Variants in THSD4 observed in about 807,000 individuals in gnomAD.
THSD4 encodes the protein thrombospondin type-1 domain-containing protein 4.
A neutral mutation model predicts 119.0 loss-of-function variants in THSD4; 69 were observed. The ratio of observed to expected loss-of-function variants is 0.58; its 90% CI spans 0.48 to 0.71. The LOEUF is 0.71. Ranked by LOEUF, THSD4 falls within the 30% of genes least tolerant of loss-of-function variation. The pLI is 0.00. For missense variants in THSD4, 1,393 were observed against 1,391.1 expected, an observed-to-expected ratio of 1.00 and a Z score of -0.02; for synonymous variants, 524 against 540.4, an observed-to-expected ratio of 0.97 and a Z score of 0.42.
chr15:71,191,504 C>T (rs540310154), intron 3 of THSD4, among the ~76,000 whole-genome samples: 2 of 152,206 alleles, frequency 1.3e-5, no homozygotes, highest in Non-Finnish European at 2.9e-5. Context: ...AGGCATAGTG[C>T]TAAGTACATC....
At chr15:71,433,641 G>A (rs2046969887) in intron 7 of THSD4, among the ~76,000 whole-genome samples, 1 of 152,072 alleles carries the variant, frequency 6.6e-6, no homozygotes, top group African/African-American at 2.4e-5. Context: ...GAAGGGCAGG[G>A]CCTGTCTGTT....
At chr15:71,377,177 G>C (rs1190231992) in intron 6 of THSD4, among the ~76,000 whole-genome samples, 1 of 152,224 alleles carries the variant, frequency 6.6e-6, no homozygotes. Context: ...GAGTCAAGGT[G>C]ACTGGAATAA....
chr15:71,226,369 C>T (rs537959511), intron 4 of THSD4, among the ~76,000 whole-genome samples: 27 of 152,170 alleles, frequency 1.8e-4, no homozygotes, highest in Non-Finnish European at 2.4e-4. Context: ...TACAGGAGTA[C>T]GTGTGTGTGT....
chr15:71,627,770 G>T (rs138234329), intron 7 of THSD4, among the ~76,000 whole-genome samples: 50 of 152,270 alleles, frequency 3.3e-4, no homozygotes, highest in African/African-American at 1.1e-3. Flanking sequence ...ATTTTTTCCA[G>T]TTGAGCTGTG....
intron 7 of THSD4, among the ~76,000 whole-genome samples, chr15:71,587,963 C>G (rs1234107746): frequency 6.6e-6 from 1 of 152,004 alleles, no homozygotes; most frequent in East Asian, 1.9e-4. Context: ...ACCTCTAAAA[C>G]CAGTACTCTC....
intron 7 of THSD4, among the ~76,000 whole-genome samples, chr15:71,514,880 A>G (rs2048335366): frequency 6.6e-6 from 1 of 152,188 alleles, no homozygotes; most frequent in Admixed American, 6.5e-5. Flanking sequence ...GATACATAAC[A>G]TCCTATGGGT....
chr15:71,339,797 C>T (rs2045539840), intron 6 of THSD4, among the ~76,000 whole-genome samples: 1 of 151,710 alleles, frequency 6.6e-6, no homozygotes, highest in Non-Finnish European at 1.5e-5. Context: ...TGGAGTCTTA[C>T]TCTGTCACCC....
intron 8 of THSD4, among the ~76,000 whole-genome samples, chr15:71,664,926 G>C (rs1054183146): frequency 8.6e-5 from 13 of 152,012 alleles, no homozygotes; most frequent in African/African-American, 3.1e-4. Context: ...CCATGTCTTT[G>C]CTATAATGAA....
chr15:71,257,008 T>A (rs1469112773), intron 6 of THSD4, among the ~76,000 whole-genome samples: 1 of 152,034 alleles, frequency 6.6e-6, no homozygotes, highest in Admixed American at 6.6e-5. Flanking sequence ...AAGGAATCAG[T>A]TGGAGAAGAG....
At chr15:71,347,689 T>C (rs1446049834) in intron 6 of THSD4, among the ~76,000 whole-genome samples, 1 of 152,194 alleles carries the variant, frequency 6.6e-6, no homozygotes, top group Non-Finnish European at 1.5e-5. Context: ...AAATTTAAAA[T>C]TCAGTTTCTC....
chr15:71,752,235 G>A (rs1282038827), intron 14 of THSD4, among the ~76,000 whole-genome samples: 1 of 152,134 alleles, frequency 6.6e-6, no homozygotes, highest in African/African-American at 2.4e-5. Flanking sequence ...CATTTATTTA[G>A]AACAGTAAAA....
intron 4 of THSD4, among the ~76,000 whole-genome samples, chr15:71,242,205 T>C (rs1336126769): frequency 1.3e-5 from 2 of 152,028 alleles, no homozygotes; most frequent in Non-Finnish European, 2.9e-5. Flanking sequence ...CACAGTTAGT[T>C]GAAGGAGCAA....
chr15:71,565,666 G>A (rs560917976), intron 7 of THSD4, among the ~76,000 whole-genome samples: 2 of 152,252 alleles, frequency 1.3e-5, no homozygotes, highest in East Asian at 3.9e-4. Context: ...TCTGCTCCAG[G>A]GACTCTCTTT....
At chr15:71,421,719 T>G (rs568496409) in intron 7 of THSD4, among the ~76,000 whole-genome samples, 1 of 152,356 alleles carries the variant, frequency 6.6e-6, no homozygotes, top group African/African-American at 2.4e-5. Flanking sequence ...TTCCCAGGTT[T>G]GGGGAGTTCT....
At chr15:71,572,414 C>G (rs1595894704) in intron 7 of THSD4, among the ~76,000 whole-genome samples, 2 of 152,186 alleles carry the variant, frequency 1.3e-5, no homozygotes, top group African/African-American at 4.8e-5. Flanking sequence ...GTAGTAGTGG[C>G]TGTTGCAAGG....
At chr15:71,461,018 T>G (rs546174314) in intron 7 of THSD4, among the ~76,000 whole-genome samples, 46 of 152,242 alleles carry the variant, frequency 3.0e-4, no homozygotes, top group Non-Finnish European at 4.6e-4. Flanking sequence ...TCATATTTAT[T>G]ATCAAATAAT....
At chr15:71,332,454 G>A (rs1200540864) in intron 6 of THSD4, among the ~76,000 whole-genome samples, 1 of 152,204 alleles carries the variant, frequency 6.6e-6, no homozygotes, top group African/African-American at 2.4e-5. Context: ...AATGCAGAAG[G>A]AGTAAACTAG....
chr15:71,308,203 G>A (rs1268537217), intron 6 of THSD4, among the ~76,000 whole-genome samples: 2 of 152,186 alleles, frequency 1.3e-5, no homozygotes, highest in Non-Finnish European at 2.9e-5. Context: ...CCTCCCAGGA[G>A]CCTCCAAGGG....
At chr15:71,149,082 A>C (rs1254068116) in intron 2 of THSD4, among the ~76,000 whole-genome samples, 3 of 141,718 alleles carry the variant, frequency 2.1e-5, no homozygotes, top group African/African-American at 8.0e-5. Flanking sequence ...TCTATCACCC[A>C]GGCTGGAGTG....
Sources: allele counts gnomAD v4.1 joint callset (sites outside exome capture counted in the v4.1 genomes callset), GRCh38; gene constraint gnomAD v4.1.1; transcripts MANE v1.5; gene names NCBI Gene and HGNC (gene_info 2026-07-23, HGNC 2026-07-21).